Variants in IGF2R observed in about 807,000 individuals in gnomAD.
The protein encoded by IGF2R is insulin like growth factor 2 receptor, also known as cation-independent mannose-6-phosphate receptor.
A neutral mutation model predicts 270.6 loss-of-function variants in IGF2R; 91 were observed. That is an observed-to-expected ratio of 0.34 (90% CI 0.28 to 0.40). IGF2R has a LOEUF of 0.40. Ranked by LOEUF, IGF2R falls within the 10% of genes least tolerant of loss-of-function variation. The probability of loss-of-function intolerance (pLI) is 1.00; values close to 1 mark genes in which losing one functional copy is unlikely to be tolerated. For missense variants in IGF2R, 2,805 were observed against 3,188.3 expected (o/e 0.88, Z 2.90); for synonymous variants, 1,316 against 1,258.9 (o/e 1.05, Z -0.96).
At chr6:160,041,020 A>G (rs1777933597) in intron 11 of IGF2R, among the ~76,000 whole-genome samples, 1 of 151,934 alleles carries the variant, frequency 6.6e-6, no homozygotes, top group African/African-American at 2.4e-5. Context: ...TTCTGTTTGG[A>G]TCCTCTAGGC....
chr6:160,047,137 G>A, intron 15 of IGF2R, 22 bp from the exon 16 acceptor site: 1 of 1,612,682 alleles, frequency 6.2e-7, no homozygotes, highest in Non-Finnish European at 8.5e-7. Flanking sequence ...TCTTTGCTGA[G>A]AGAAACGTGT....
chr6:159,991,013 C>T (rs1229465474), intron 1 of IGF2R, among the ~76,000 whole-genome samples, 171 bp from the exon 2 acceptor site: 1 of 152,160 alleles, frequency 6.6e-6, no homozygotes, highest in African/African-American at 2.4e-5. Context: ...GTAGTTTCTG[C>T]CCTGGCTTCT....
chr6:160,022,940 C>T (rs915656452), intron 4 of IGF2R, among the ~76,000 whole-genome samples: 1 of 152,066 alleles, frequency 6.6e-6, no homozygotes, highest in East Asian at 1.9e-4. Flanking sequence ...AGAATTGCAT[C>T]AAGAGGTGAG....
At chr6:159,973,303 A>T (rs1783640327) in intron 1 of IGF2R, among the ~76,000 whole-genome samples, 1 of 152,226 alleles carries the variant, frequency 6.6e-6, no homozygotes, top group East Asian at 1.9e-4. Context: ...TCCACCCTTT[A>T]GTTAGGTGTT....
chr6:160,060,864 A>G (rs1778424351), intron 23 of IGF2R, 147 bp downstream of exon 23: 1 of 686,630 alleles, frequency 1.5e-6, no homozygotes. Context: ...CATTTCTGTT[A>G]TATATTCTCT....
At chr6:159,986,064 A>T (rs1247938351) in intron 1 of IGF2R, among the ~76,000 whole-genome samples, 1 of 151,956 alleles carries the variant, frequency 6.6e-6, no homozygotes, top group Non-Finnish European at 1.5e-5. Context: ...TTTCCAGTGG[A>T]CAAGCCGCTT....
chr6:159,972,434 A>G (rs184652821), intron 1 of IGF2R, among the ~76,000 whole-genome samples: 33 of 152,288 alleles, frequency 2.2e-4, no homozygotes, highest in Admixed American at 1.0e-3. Context: ...TATCCTTGCA[A>G]AGGTTTTGGA....
intron 6 of IGF2R, 28 bp from the exon 7 acceptor site, chr6:160,029,522 T>C: frequency 1.4e-6 from 2 of 1,450,712 alleles, no homozygotes; most frequent in Non-Finnish European, 1.9e-6. Context: ...ACTTTTGTAA[T>C]ACTCTTTTCT....
intron 25 of IGF2R, 90 bp from the exon 26 acceptor site, chr6:160,062,442 G>T (rs1196626300): frequency 6.3e-6 from 6 of 952,288 alleles, no homozygotes; most frequent in Non-Finnish European, 1.0e-5. Flanking sequence ...AAAGTGCTGA[G>T]ATTACAGGTG....
Position 160,058,984 on chromosome 6 carries a change from A to G in IGF2R, c.2977A>G (p.Thr993Ala). 6.2e-7 allele frequency: 1 copy of G among 1,614,228 alleles called. No homozygotes were observed. The highest frequency in any genetic ancestry group is 8.5e-7 in the Non-Finnish European group (1 of 1,180,038). The change falls in exon 22 of 48, where the codon ACT becomes GCT. Residue 993 changes from threonine to alanine, a missense_variant. This residue lies in a region of IGF2R where 1,851 missense variants were observed against 2,207.2 expected (regional missense o/e 0.84). Coordinates refer to ENST00000356956, the MANE Select transcript of IGF2R (RefSeq NM_000876.4). ...TTCTGGCTGTGAGGCAGAAACCCAA[A>G]CTGAAGAGCTCAAGAATTGGAAGCC... ...PASGCEAETQ[T>A]EELKNWKPAR...
At chr6:160,059,415 G>T (rs1360068107) in intron 22 of IGF2R, among the ~76,000 whole-genome samples, 1 of 152,158 alleles carries the variant, frequency 6.6e-6, no homozygotes, top group Non-Finnish European at 1.5e-5. Context: ...TTTTATTGTT[G>T]ATCTCTTGCT....
At chr6:160,037,501 A>G (rs1218543659) in intron 10 of IGF2R, among the ~76,000 whole-genome samples, 1 of 152,254 alleles carries the variant, frequency 6.6e-6, no homozygotes, top group African/African-American at 2.4e-5. Context: ...GCTATGTAAT[A>G]GAAGTGTGGT....
At chr6:160,085,297 A>AAAT (rs1400753949) in intron 41 of IGF2R, among the ~76,000 whole-genome samples, 166 bp downstream of exon 41, 1 of 152,162 alleles carries the variant, frequency 6.6e-6, no homozygotes, top group Non-Finnish European at 1.5e-5. Flanking sequence ...CTGGCACATT[A>AAAT]AAATAAGTGC....
intron 10 of IGF2R, among the ~76,000 whole-genome samples, chr6:160,034,959 T>A (rs1777780953): frequency 1.3e-5 from 2 of 152,168 alleles, no homozygotes; most frequent in Admixed American, 1.3e-4. Context: ...AGAGTTTGGA[T>A]CTGGGGATTG....
chr6:160,008,998 C>G lies in IGF2R; in HGVS notation c.290-12C>G, dbSNP rs949734468. ...TTTTATAGCCTGTTCACTCTCTTTT[C>G]TCTCCAAATAGGTGACTCTGTTTTG... On this transcript the variant is annotated splice_polypyrimidine_tract_variant and intron_variant, in intron 2 of 47. Transcript: ENST00000356956. 2.5e-6 allele frequency: 4 copies of G among 1,613,384 alleles called. No homozygotes were observed. Among genetic ancestry groups the G allele is most frequent in the South Asian group, 2.2e-5 (2 of 90,962 alleles).
chr6:160,092,111 C>G (rs1470544133), intron 44 of IGF2R, among the ~76,000 whole-genome samples: 3 of 137,970 alleles, frequency 2.2e-5, no homozygotes, highest in Non-Finnish European at 4.8e-5. Flanking sequence ...GATTCCAAAC[C>G]TACCTCCAGT....
Position 160,107,952 on chromosome 6 carries a change from C to T in IGF2R, c.*2868C>T, listed in dbSNP as rs1562382869. 6.6e-6 allele frequency: 1 copy of T among 152,232 alleles called. No individual in the cohort carries two copies. The highest frequency in any genetic ancestry group is 1.5e-5 in the Non-Finnish European group (1 of 68,042). 9.4% of individuals were successfully genotyped at this position (152,232 alleles called of 1,614,324 possible). A position where few individuals can be genotyped will look rare whatever the true frequency, so the allele number is the denominator to read the frequency against. On this transcript the variant is annotated 3_prime_UTR_variant, in exon 48 of 48. Transcript: ENST00000356956. ...GGACCTTCACACGACTAAGATGCCA[C>T]CTGGTGATTAAAGAACACTTTGGGC...
chr6:160,010,870 G>A lies in IGF2R; in HGVS notation c.513+85G>A, dbSNP rs8191742. On this transcript the variant is annotated intron_variant, in intron 4 of 47. Transcript: ENST00000356956. ...CAAATACTGATTCTAACCTTTCCGG[G>A]TGAAAATCTTTTTTAGCTTCCAAAT... The A allele has an allele frequency of 1.2e-3, 891 of 763,376 alleles. 8 individuals carry two copies. In the African/African-American group the frequency reaches 0.014, roughly 12 times the overall value. The allele number at this position is 763,376 out of a possible 1,614,324, so 47.3% of individuals were successfully genotyped here.
At chr6:160,024,400 A>ACG (rs1444215600) in intron 4 of IGF2R, among the ~76,000 whole-genome samples, 172 bp from the exon 5 acceptor site, 1 of 152,186 alleles carries the variant, frequency 6.6e-6, no homozygotes, top group Non-Finnish European at 1.5e-5. Context: ...ACCGAAAAGA[A>ACG]CGCAGAGGAG....
Sources: gnomAD v4.1 joint callset for allele counts (sites outside exome capture counted in the v4.1 genomes callset) on GRCh38, gnomAD v4.1.1 for gene constraint, gnomAD v4.1.1 regional missense constraint, MANE v1.5 for transcripts, NCBI Gene and HGNC (gene_info 2026-07-23, HGNC 2026-07-21) for gene names.